ANKFN1: variants seen among roughly 807,000 people sequenced by gnomAD.
ANKFN1 encodes the protein ankyrin repeat and fibronectin type-III domain-containing protein 1.
In ANKFN1, 74 loss-of-function variants were observed where a neutral mutation model predicts 108.7. That is an observed-to-expected ratio of 0.68 (90% CI 0.56 to 0.83). ANKFN1 has a LOEUF of 0.83. ANKFN1 is among the 40% of genes least tolerant of loss of function. The pLI is 0.00. For synonymous variants in ANKFN1, 547 were observed against 516.2 expected (o/e 1.06, Z -0.81); for missense variants, 1,505 against 1,382.3 (o/e 1.09, Z -1.41).
At chr17:56,047,433 G>A (rs956515105) in intron 4 of ANKFN1, among the ~76,000 whole-genome samples, 8 of 152,202 alleles carry the variant, frequency 5.3e-5, no homozygotes, top group Non-Finnish European at 1.0e-4. Context: ...TGTGTGTAAT[G>A]AGGGTTGAAG....
intron 4 of ANKFN1, among the ~76,000 whole-genome samples, chr17:56,095,421 A>T (rs372633398): frequency 1.3e-5 from 2 of 150,690 alleles, no homozygotes; most frequent in African/African-American, 4.9e-5. Context: ...CCTCTCAAGT[A>T]TCTGGAACTA....
At chr17:56,344,762 C>A (rs917526901) in intron 4 of ANKFN1, among the ~76,000 whole-genome samples, 1 of 151,892 alleles carries the variant, frequency 6.6e-6, no homozygotes, top group African/African-American at 2.4e-5. Context: ...TTCTAGAAAA[C>A]CCCCAGACAG....
intron 20 of ANKFN1, among the ~76,000 whole-genome samples, chr17:56,508,693 G>A (rs544643032): frequency 1.4e-4 from 22 of 152,280 alleles, no homozygotes; most frequent in African/African-American, 4.1e-4. Flanking sequence ...ATCCTGTCCC[G>A]ATAAAATATA....
At chr17:56,507,092 T>G (rs1050212906) in intron 20 of ANKFN1, among the ~76,000 whole-genome samples, 10 of 152,182 alleles carry the variant, frequency 6.6e-5, no homozygotes, top group Non-Finnish European at 1.5e-4. Context: ...TCAACTACAG[T>G]CAATTATGAA....
At chr17:56,342,227 CT>C (rs140624562) in intron 4 of ANKFN1, among the ~76,000 whole-genome samples, 23,180 of 145,210 alleles carry the variant, frequency 0.16, 2,120 homozygotes, top group East Asian at 0.4. Context: ...AATGGTTTAT[CT>C]TTTTTTTTTT....
chr17:56,394,557 C>A lies in ANKFN1; in HGVS notation c.910+19843C>A, dbSNP rs541984425. On this transcript the variant is annotated intron_variant, in intron 8 of 20. Transcript: ENST00000682825. ...TAGTGACTTGCCAAGTTTCCCCTGC[C>A]CCCCAGCTACCGCCATCCCCACCAT... is the stretch of plus-strand genomic sequence containing the variant. Among the ~76,000 whole-genome samples, 1,168 of 152,238 alleles carry A rather than the reference C, an allele frequency of 7.7e-3. 13 individuals carry two copies. Among genetic ancestry groups the A allele is most frequent in the African/African-American group, 0.027 (1,109 of 41,522 alleles).
intron 4 of ANKFN1, among the ~76,000 whole-genome samples, chr17:56,333,046 G>C (rs1394912892): frequency 6.6e-6 from 1 of 151,016 alleles, no homozygotes; most frequent in South Asian, 2.1e-4. Context: ...TCAGCATCCA[G>C]GCTTTTCATA....
At chr17:56,510,407 C>T (rs2051707955) in intron 20 of ANKFN1, 66 bp from the exon 21 acceptor site, 2 of 1,358,182 alleles carry the variant, frequency 1.5e-6, no homozygotes, top group Admixed American at 4.4e-5. Context: ...TGCACTGTTC[C>T]TATGCCTGTG....
At chr17:56,439,647 G>A (rs1354534144) in intron 8 of ANKFN1, among the ~76,000 whole-genome samples, 2 of 152,082 alleles carry the variant, frequency 1.3e-5, no homozygotes, top group African/African-American at 4.8e-5. Flanking sequence ...AAGGGGAAGG[G>A]AGCAGTATAT....
intron 3 of ANKFN1, among the ~76,000 whole-genome samples, chr17:56,233,829 A>C (rs1402990268): frequency 6.6e-6 from 1 of 152,092 alleles, no homozygotes; most frequent in African/African-American, 2.4e-5. Flanking sequence ...TATAGTTTCC[A>C]TGTAAATGTG....
chr17:56,258,318 G>C (rs2043410003), intron 3 of ANKFN1: 1 of 152,208 alleles, frequency 6.6e-6, no homozygotes, highest in Non-Finnish European at 1.5e-5. Context: ...TTTAAAGACA[G>C]CACTAGGCTC....
At chr17:56,241,775 G>C (rs1041265989) in intron 3 of ANKFN1, among the ~76,000 whole-genome samples, 4 of 152,052 alleles carry the variant, frequency 2.6e-5, no homozygotes, top group Admixed American at 1.3e-4. Context: ...ACTATCACTA[G>C]TCTTCTGCTT....
chr17:56,287,572 T>A (rs567058811), intron 3 of ANKFN1, among the ~76,000 whole-genome samples: 1 of 152,294 alleles, frequency 6.6e-6, no homozygotes, highest in East Asian at 1.9e-4. Flanking sequence ...AGCCAGGCTT[T>A]CTTAAAAAGA....
chr17:56,211,733 A>G (rs1915028130), intron 1 of ANKFN1, among the ~76,000 whole-genome samples: 1 of 152,218 alleles, frequency 6.6e-6, no homozygotes, highest in Non-Finnish European at 1.5e-5. Context: ...CTACCAATCC[A>G]TGAGCATGTG....
chr17:56,103,701 A>G (rs1905691007), intron 4 of ANKFN1, among the ~76,000 whole-genome samples: 1 of 152,226 alleles, frequency 6.6e-6, no homozygotes, highest in African/African-American at 2.4e-5. Flanking sequence ...TGAAATAAAC[A>G]GATCTTGCTC....
At chr17:56,193,985 C>T (rs1052432867) in intron 1 of ANKFN1, among the ~76,000 whole-genome samples, 1 of 152,154 alleles carries the variant, frequency 6.6e-6, no homozygotes, top group Non-Finnish European at 1.5e-5. Context: ...GATACCTCAC[C>T]AAAGAAGATA....
chr17:56,306,557 A>C (rs1469708803), intron 3 of ANKFN1, among the ~76,000 whole-genome samples: 1 of 152,222 alleles, frequency 6.6e-6, no homozygotes, highest in East Asian at 1.9e-4. Flanking sequence ...ACTACAAACC[A>C]CTGCTCAGTG....
At position 56,047,483 on chromosome 17, in the gene ANKFN1, C is replaced by T. The variant is rs143630615; in HGVS notation, c.288+1158C>T. Among the ~76,000 whole-genome samples, 693 of 152,164 alleles carry T rather than the reference C, an allele frequency of 4.6e-3. 3 individuals are homozygous for T. The highest frequency in any genetic ancestry group is 7.7e-3 in the Non-Finnish European group (525 of 67,994). ...TGCACTGGGACTTGGCCAGGAGTGG[C>T]GTGGTTGGCTGGATGCTTGGGTGCA... On this transcript the variant is annotated intron_variant, in intron 4 of 12. Transcript: ENST00000635860.
At chr17:56,509,887 T>C (rs2051687792) in intron 20 of ANKFN1, among the ~76,000 whole-genome samples, 1 of 152,218 alleles carries the variant, frequency 6.6e-6, no homozygotes, top group Non-Finnish European at 1.5e-5. Flanking sequence ...ACAGACTAAC[T>C]GTAACCTGGT....
Sources: allele counts gnomAD v4.1 joint callset (sites outside exome capture counted in the v4.1 genomes callset), GRCh38; gene constraint gnomAD v4.1.1; transcripts MANE v1.5; gene names NCBI Gene and HGNC (gene_info 2026-07-23, HGNC 2026-07-21).